PDE1C: variants seen among roughly 807,000 people sequenced by gnomAD.
The protein encoded by PDE1C is phosphodiesterase 1C.
Under a neutral mutation model 93.1 loss-of-function variants are expected in PDE1C, and 62 were observed. The observed-to-expected ratio is 0.67, with a 90% CI of 0.54 to 0.82. The LOEUF (loss-of-function observed/expected upper bound fraction) is 0.82. Among genes scored for constraint, PDE1C ranks in the 40% least tolerant of loss-of-function variants. PDE1C has a pLI of 0.00. For synonymous variants in PDE1C, 325 were observed against 310.1 expected (o/e 1.05, Z -0.50); for missense variants, 742 against 884.6 (o/e 0.84, Z 2.04).
At chr7:32,157,797 G>A (rs541141385) in intron 3 of PDE1C, among the ~76,000 whole-genome samples, 1 of 152,278 alleles carries the variant, frequency 6.6e-6, no homozygotes, top group South Asian at 2.1e-4. Flanking sequence ...TGTAGCAAAA[G>A]GCTAAAAGGT....
intron 1 of PDE1C, among the ~76,000 whole-genome samples, chr7:32,262,722 C>T (rs1810298625): frequency 6.6e-6 from 1 of 152,180 alleles, no homozygotes; most frequent in African/African-American, 2.4e-5. Flanking sequence ...CATCTGTGAG[C>T]TTTGGGAAGG....
the PDE1C span, among the ~76,000 whole-genome samples, chr7:31,691,222 A>G: frequency 6.6e-6 from 1 of 152,236 alleles, no homozygotes; most frequent in African/African-American, 2.4e-5. Context: ...TGATCTCAGC[A>G]CATAGAGGAA....
intron 3 of PDE1C, among the ~76,000 whole-genome samples, chr7:32,158,175 T>C (rs1392079163): frequency 6.6e-6 from 1 of 152,238 alleles, no homozygotes; most frequent in African/African-American, 2.4e-5. Flanking sequence ...TTTGGATCCC[T>C]AGACCATGTT....
At chr7:32,377,392 G>A (rs1483253920) in intron 1 of PDE1C, among the ~76,000 whole-genome samples, 3 of 152,170 alleles carry the variant, frequency 2.0e-5, no homozygotes, top group Admixed American at 1.3e-4. Flanking sequence ...TGTAACACTC[G>A]TCTTAGATTA....
chr7:32,415,545 G>A lies in PDE1C; in HGVS notation c.310+12277C>T, dbSNP rs371749799. Among the ~76,000 whole-genome samples, 34 of 152,274 alleles carry A rather than the reference G, an allele frequency of 2.2e-4. No homozygotes were observed. The East Asian group carries it at 6.2e-3, about 28-fold the overall frequency. ...AAAAAAGAGGACCTGCCTTATATTG[G>A]GGATTGTTTCATTATGGGACACCTT... On this transcript the variant is annotated intron_variant, in intron 1 of 1. Coordinates refer to the PDE1C transcript ENST00000672256.
the PDE1C span, among the ~76,000 whole-genome samples, chr7:31,630,056 G>A: frequency 6.6e-6 from 1 of 151,956 alleles, no homozygotes; most frequent in South Asian, 2.1e-4. Flanking sequence ...AATGACAGAA[G>A]AAAATGAAAT....
chr7:31,753,231 A>C lies in PDE1C; in HGVS notation c.*153T>G, dbSNP rs573870935. 7.2e-5 allele frequency: 68 copies of C among 938,968 alleles called. No homozygotes were observed. In the African/African-American group the frequency reaches 9.5e-4, roughly 13 times the overall value. 58.2% of individuals were successfully genotyped at this position (938,968 alleles called of 1,614,324 possible). ...CAAGAACAACAAAGAGGAAAATCACATACAACTTTCATTTCACCTTGGTGG... is the reference window on the plus strand; with the variant it reads ...CAAGAACAACAAAGAGGAAAATCACCTACAACTTTCATTTCACCTTGGTGG... On this transcript the variant is annotated 3_prime_UTR_variant, in exon 18 of 18. Transcript: ENST00000396191.
chr7:32,056,320 TTCTCTCTCTC>T (rs10648394), intron 1 of PDE1C, among the ~76,000 whole-genome samples: 3,613 of 111,110 alleles, frequency 0.033, 71 homozygotes, highest in Middle Eastern at 0.091. Context: ...GGGTCCACCG[TTCTCTCTCTC>T]TCTCTCTCTC....
At chr7:31,989,762 CTA>C (rs1783930157) in intron 2 of PDE1C, among the ~76,000 whole-genome samples, 1 of 152,322 alleles carries the variant, frequency 6.6e-6, no homozygotes, top group African/African-American at 2.4e-5. Flanking sequence ...CTAGCTGTGT[CTA>C]TGTCTCAGCT....
intron 7 of PDE1C, among the ~76,000 whole-genome samples, chr7:31,852,877 G>A (rs749184391): frequency 5.3e-5 from 8 of 150,004 alleles, no homozygotes; most frequent in Non-Finnish European, 1.0e-4. Flanking sequence ...TTTTGGCATT[G>A]TCTTTCTTTT....
Position 31,965,603 on chromosome 7 carries a change from G to C in PDE1C, c.129-84743C>G, listed in dbSNP as rs371039554. ...CCAACATCCAAATTCAGGAAATACA[G>C]AGAAGGCCACAAAGATACTCCTCGA... On this transcript the variant is annotated intron_variant, in intron 2 of 17. Transcript: ENST00000396191. 7.2e-5 allele frequency among the ~76,000 whole-genome samples: 11 copies of C among 152,284 alleles called. 3 individuals are homozygous for C.
chr7:31,979,976 T>C (rs1031122833), intron 2 of PDE1C, among the ~76,000 whole-genome samples: 3 of 152,166 alleles, frequency 2.0e-5, no homozygotes, highest in Non-Finnish European at 2.9e-5. Flanking sequence ...TAAATCATCA[T>C]GGGGAGATGG....
chr7:31,743,350 C>G, the PDE1C span, among the ~76,000 whole-genome samples: 2,630 of 152,260 alleles, frequency 0.017, 78 homozygotes, highest in African/African-American at 0.059. Context: ...AGTGTATGCT[C>G]TTTGCTCCCG....
chr7:31,893,519 T>C, intron 2 of PDE1C: 4 of 983,516 alleles, frequency 4.1e-6, no homozygotes, highest in Non-Finnish European at 4.8e-6. Context: ...CTCCCTTTCT[T>C]TGTAGATGAA....
chr7:31,797,754 C>T (rs939719977), intron 16 of PDE1C, among the ~76,000 whole-genome samples: 2 of 151,568 alleles, frequency 1.3e-5, no homozygotes, highest in African/African-American at 2.4e-5. Context: ...GAAAAAAAAT[C>T]GAGAACATCT....
the PDE1C span, among the ~76,000 whole-genome samples, chr7:31,729,573 CA>C: frequency 6.6e-6 from 1 of 152,166 alleles, no homozygotes; most frequent in African/African-American, 2.4e-5. Context: ...GTAGGTGACT[CA>C]CCTGTTTCTC....
chr7:32,080,184 G>C (rs1019456325), intron 3 of PDE1C, among the ~76,000 whole-genome samples: 12 of 152,120 alleles, frequency 7.9e-5, no homozygotes, highest in Non-Finnish European at 1.5e-4. Context: ...AGGCAGGCGG[G>C]TGGGGACAAC....
downstream of PDE1C, among the ~76,000 whole-genome samples, chr7:31,750,183 T>C (rs527588021): frequency 6.6e-6 from 1 of 152,082 alleles, no homozygotes; most frequent in South Asian, 2.1e-4. Context: ...ATAGGGTAAA[T>C]AGGAACAGAG....
chr7:31,901,412 G>GA (rs1189859332), intron 2 of PDE1C, among the ~76,000 whole-genome samples: 1 of 150,704 alleles, frequency 6.6e-6, no homozygotes, highest in African/African-American at 2.4e-5. Context: ...ATATATCTAG[G>GA]AAAAAATGTA....
Sources: gnomAD v4.1 joint callset for allele counts (sites outside exome capture counted in the v4.1 genomes callset) on GRCh38, gnomAD v4.1.1 for gene constraint, MANE v1.5 for transcripts, NCBI Gene and HGNC (gene_info 2026-07-23, HGNC 2026-07-21) for gene names.